FAM228A: variants seen among roughly 807,000 people sequenced by gnomAD.
FAM228A encodes the protein family with sequence similarity 228 member A, also known as protein FAM228A.
FAM228A carries 13 observed loss-of-function variants against 18.6 expected under a neutral mutation model. That is an observed-to-expected ratio of 0.70 (90% CI 0.45 to 1.11). The LOEUF is 1.11. Among genes scored for constraint, FAM228A ranks in the 50% least tolerant of loss-of-function variants. The pLI is 0.00. For missense variants in FAM228A, 240 were observed against 242.2 expected, an observed-to-expected ratio of 0.99 and a Z score of 0.06; for synonymous variants, 77 against 86.6, an observed-to-expected ratio of 0.89 and a Z score of 0.61.
chr2:24,179,199 A>T (rs1667760606), intron 3 of FAM228A: 1 of 1,108,838 alleles, frequency 9.0e-7, no homozygotes, highest in Non-Finnish European at 1.2e-6. Context: ...AATGTTGCAG[A>T]GCCTCTTCAG....
chr2:24,183,536 G>T lies in FAM228A; in HGVS notation c.292G>T (p.Ala98Ser). ...AAAAGAACTTGAAGAAATAGAGAAG[G>T]CCAGGCTGCATGCCAGCTCGCCCTA... ...SIKELEEIEK[A>S]RLHASSPYFT... is the part of the protein sequence containing the mutation. Residue 98 changes from alanine to serine, a missense_variant, in exon 5 of 6, where the codon GCC becomes TCC. By Grantham distance (99) the Ala-to-Ser change is moderately conservative. Transcript: ENST00000295150. The T allele has an allele frequency of 6.2e-7, 1 of 1,613,848 alleles. No individual in the cohort carries two copies. The highest frequency in any genetic ancestry group is 8.5e-7 in the Non-Finnish European group (1 of 1,179,868).
intron 5 of FAM228A, among the ~76,000 whole-genome samples, chr2:24,185,557 A>G (rs997859118): frequency 6.6e-6 from 1 of 152,166 alleles, no homozygotes; most frequent in South Asian, 2.1e-4. Context: ...ATTTGGGGAG[A>G]ATTGACATCT....
intron 2 of FAM228A, among the ~76,000 whole-genome samples, chr2:24,177,005 G>A (rs750803842): frequency 9.9e-5 from 15 of 152,226 alleles, no homozygotes; most frequent in Non-Finnish European, 1.9e-4. Flanking sequence ...GTCCCTAGAT[G>A]TGGATGATGT....
rs189945749 is a variant in FAM228A at position 24,191,429 on chromosome 2, G to A, written c.*798G>A. Reference sequence around the variant, plus strand: ...CTCTCCAGGGAGTAAGGGATTCTCCGTCTGTGGTAAGTTACCTGTGACTCT... The same window carrying A: ...CTCTCCAGGGAGTAAGGGATTCTCCATCTGTGGTAAGTTACCTGTGACTCT... On this transcript the variant is annotated 3_prime_UTR_variant, in exon 6 of 6. Transcript: ENST00000295150. 4.2e-5 allele frequency: 41 copies of A among 985,356 alleles called. No homozygotes were observed. The highest frequency in any genetic ancestry group is 1.1e-4 in the East Asian group (1 of 8,812). The allele number at this position is 985,356 out of a possible 1,614,324, so 61.0% of individuals were successfully genotyped here. A position where few individuals can be genotyped will look rare whatever the true frequency, so the allele number is the denominator to read the frequency against.
chr2:24,189,430 T>C (rs1431690375), intron 5 of FAM228A, among the ~76,000 whole-genome samples: 2 of 152,220 alleles, frequency 1.3e-5, no homozygotes, highest in African/African-American at 4.8e-5. Context: ...TCCCTCTGTC[T>C]GTCACTGGCC....
chr2:24,183,290 A>G lies in FAM228A; in HGVS notation c.168A>G (p.Thr56=), dbSNP rs1240978701. Residue 56 remains threonine (T), a synonymous_variant, in exon 4 of 6, where the codon ACA becomes ACG. Transcript: ENST00000295150. ...GAGTCTCATTTCTCTTGTAGGTTAC[A>G]GTCCCACCATTTGTTGATCCTCTGT... ...LFKENSIVKV[T]VPPFVDPLFQ... The G allele has an allele frequency of 6.2e-7, 1 of 1,612,020 alleles. No individual in the cohort carries two copies. Among genetic ancestry groups the G allele is most frequent in the East Asian group, 2.2e-5 (1 of 44,870 alleles).
chr2:24,179,961 T>C (rs906831297), intron 3 of FAM228A, among the ~76,000 whole-genome samples: 1 of 152,232 alleles, frequency 6.6e-6, no homozygotes, highest in African/African-American at 2.4e-5. Flanking sequence ...AGCCAACCAG[T>C]AGGTATTAGG....
chr2:24,183,546 A>C lies in FAM228A; in HGVS notation c.302A>C (p.His101Pro), dbSNP rs776795406. 1 of 1,613,942 alleles carries C rather than the reference A, an allele frequency of 6.2e-7. No homozygotes were observed. The highest frequency in any genetic ancestry group is 1.3e-5 in the African/African-American group (1 of 74,946). ...ELEEIEKARL[H>P]ASSPYFTFTS... The stretch of plus-strand genomic sequence containing the variant: ...GAAGAAATAGAGAAGGCCAGGCTGC[A>C]TGCCAGCTCGCCCTACTTCACTTTC... The change falls in exon 5 of 6, where the codon CAT (histidine) becomes CCT (proline). Residue 101 changes from histidine to proline, a missense_variant. His to Pro is a moderately conservative substitution (Grantham distance 77). Transcript: ENST00000295150.
chr2:24,179,770 C>A (rs141354943), intron 3 of FAM228A, among the ~76,000 whole-genome samples: 22 of 152,332 alleles, frequency 1.4e-4, no homozygotes, highest in Middle Eastern at 3.4e-3. Context: ...TTACCCTACT[C>A]CTTTGCAGGA....
intron 2 of FAM228A, chr2:24,175,805 A>C: frequency 1.0e-6 from 1 of 973,490 alleles, no homozygotes; most frequent in Non-Finnish European, 1.4e-6. Flanking sequence ...CGGGCGGGTG[A>C]AGGCAGCCAC....
At chr2:24,181,648 A>G (rs946414424) in intron 3 of FAM228A, among the ~76,000 whole-genome samples, 1 of 152,208 alleles carries the variant, frequency 6.6e-6, no homozygotes, top group African/African-American at 2.4e-5. Flanking sequence ...GGCTTCCCAA[A>G]GTGCTGGGAT....
In FAM228A at chr2:24,183,554, T is replaced by G; in HGVS notation, c.310T>G (p.Ser104Ala). The G allele has an allele frequency of 6.2e-7, 1 of 1,614,086 alleles. No homozygotes were observed. The highest frequency in any genetic ancestry group is 8.5e-7 in the Non-Finnish European group (1 of 1,179,966). The stretch of plus-strand genomic sequence containing the variant: ...AGAGAAGGCCAGGCTGCATGCCAGC[T>G]CGCCCTACTTCACTTTCACTTCACA... ...EIEKARLHASSPYFTFTSHCV... is the reference protein window; with the variant it reads ...EIEKARLHASAPYFTFTSHCV... The change falls in exon 5 of 6, where the codon TCG (serine) becomes GCG (alanine). Residue 104 changes from serine (S) to alanine (A), a missense_variant. Physicochemically the swap from Ser to Ala is moderately conservative, Grantham distance 99 (BLOSUM62 1). Transcript: ENST00000295150.
rs1668052699 is a variant in FAM228A at position 24,190,401 on chromosome 2, T to G, written c.402-11T>G. The G allele has an allele frequency of 1.9e-6, 3 of 1,584,092 alleles. No individual in the cohort carries two copies. The highest frequency in any genetic ancestry group is 2.6e-6 in the Non-Finnish European group (3 of 1,168,408). ...CTGAATCGAGACAATTTTTTCTGCT[T>G]TTCTTCACAGTCCTGAAAAGCTCAT... On this transcript the variant is annotated splice_polypyrimidine_tract_variant and intron_variant, in intron 5 of 5. Transcript: ENST00000295150.
At chr2:24,185,540 T>C (rs1372299557) in intron 5 of FAM228A, among the ~76,000 whole-genome samples, 5 of 152,230 alleles carry the variant, frequency 3.3e-5, no homozygotes, top group Non-Finnish European at 7.3e-5. Context: ...ATTGAATCTG[T>C]AGATCAATTT....
chr2:24,175,266 C>T (rs987763894), intron 1 of FAM228A, 92 bp downstream of exon 1: 14 of 550,638 alleles, frequency 2.5e-5, no homozygotes, highest in Middle Eastern at 4.9e-4. Flanking sequence ...AGGAAAGGCC[C>T]GCTTTGGCCC....
rs765945785 is a variant in FAM228A at position 24,191,287 on chromosome 2, A to G, written c.*656A>G. 5.6e-5 allele frequency: 55 copies of G among 985,148 alleles called. No individual in the cohort carries two copies. The highest frequency in any genetic ancestry group is 6.4e-5 in the Non-Finnish European group (53 of 830,018). 61.0% of individuals were successfully genotyped at this position (985,148 alleles called of 1,614,324 possible). A position where few individuals can be genotyped will look rare whatever the true frequency, so the allele number is the denominator to read the frequency against. On this transcript the variant is annotated 3_prime_UTR_variant, in exon 6 of 6. Transcript: ENST00000295150. ...GCTCAGCTCAGGACCTGACAGCGTC[A>G]CTCCCACCCTCACCACCACACACAC...
In FAM228A at chr2:24,191,646, A is replaced by G. The variant is rs1668087906; in HGVS notation, c.*1015A>G. 4.0e-6 allele frequency: 1 copy of G among 251,748 alleles called. No homozygotes were observed. The highest frequency in any genetic ancestry group is 2.3e-5 in the African/African-American group (1 of 43,420). The allele number at this position is 251,748 out of a possible 1,614,324, so 15.6% of individuals were successfully genotyped here. A position where few individuals can be genotyped will look rare whatever the true frequency, so the allele number is the denominator to read the frequency against. On this transcript the variant is annotated 3_prime_UTR_variant, in exon 6 of 6. Coordinates refer to ENST00000295150, the MANE Select transcript of FAM228A (RefSeq NM_001040710.3). ...CTGTTTTCGTGTGTGTGGTGAGAAT[A>G]CTCACAATCTACTCTCTGAGCAAAC...
chr2:24,177,352 A>G lies in FAM228A; in HGVS notation c.94-450A>G, dbSNP rs1320973281. On this transcript the variant is annotated intron_variant, in intron 2 of 5. Coordinates refer to ENST00000295150, the MANE Select transcript of FAM228A (RefSeq NM_001040710.3). Reference sequence around the variant, plus strand: ...CTACTTGGGAGGCTGAGGCAGGAGAATCACTTGAACCTGGAGGGCGGAGGT... The same window carrying G: ...CTACTTGGGAGGCTGAGGCAGGAGAGTCACTTGAACCTGGAGGGCGGAGGT... Among the ~76,000 whole-genome samples, 4 of 152,294 alleles carry G rather than the reference A, an allele frequency of 2.6e-5. 1 individual carries two copies. In the South Asian group the frequency reaches 8.3e-4, roughly 32 times the overall value.
chr2:24,185,201 C>G (rs1465742402), intron 5 of FAM228A, among the ~76,000 whole-genome samples: 2 of 151,968 alleles, frequency 1.3e-5, no homozygotes, highest in Non-Finnish European at 2.9e-5. Flanking sequence ...TATGTGGGGC[C>G]CAATTGAATT....
Sources: gnomAD v4.1 joint callset for allele counts (sites outside exome capture counted in the v4.1 genomes callset) on GRCh38, gnomAD v4.1.1 for gene constraint, MANE v1.5 for transcripts, NCBI Gene and HGNC (gene_info 2026-07-23, HGNC 2026-07-21) for gene names.